ABCA4: variants seen among roughly 807,000 people sequenced by gnomAD.
ABCA4 encodes the protein retinal-specific phospholipid-transporting ATPase ABCA4.
Under a neutral mutation model 263.7 loss-of-function variants are expected in ABCA4, and 196 were observed. The observed-to-expected ratio is 0.74, with a 90% CI of 0.66 to 0.84. ABCA4 has a LOEUF of 0.84. ABCA4 is among the 40% of genes least tolerant of loss of function. ABCA4 has a pLI of 0.00. For missense variants in ABCA4, 2,792 were observed against 2,855.1 expected (o/e 0.98, Z 0.50); for synonymous variants, 1,133 against 1,094.2 (o/e 1.04, Z -0.70).
At chr1:94,109,832 T>C (rs1277963271) in intron 3 of ABCA4, among the ~76,000 whole-genome samples, 3 of 152,218 alleles carry the variant, frequency 2.0e-5, no homozygotes, top group Non-Finnish European at 4.4e-5. Context: ...TTCCGTGCCT[T>C]GCAAGCAAAA....
intron 18 of ABCA4, among the ~76,000 whole-genome samples, 171 bp from the exon 19 acceptor site, chr1:94,047,264 C>T (rs559718390): frequency 3.3e-5 from 5 of 152,194 alleles, no homozygotes; most frequent in Non-Finnish European, 5.9e-5. Flanking sequence ...TAGCATCAAA[C>T]GTTTATACAG....
intron 6 of ABCA4, among the ~76,000 whole-genome samples, chr1:94,094,227 A>T (rs752333723): frequency 6.6e-6 from 1 of 152,208 alleles, no homozygotes; most frequent in Admixed American, 6.5e-5. Flanking sequence ...ATGACCCAGG[A>T]GAGCAGCAAC....
intron 3 of ABCA4, among the ~76,000 whole-genome samples, chr1:94,110,385 T>G (rs1459576073): frequency 1.3e-5 from 2 of 152,208 alleles, no homozygotes; most frequent in African/African-American, 4.8e-5. Context: ...CAAACTTTTT[T>G]TCTTTTTAGT....
In ABCA4 at chr1:94,047,027, A is replaced by T; in HGVS notation, c.2810T>A (p.Ile937Asn). The T allele has an allele frequency of 6.2e-7, 1 of 1,614,144 alleles. No individual in the cohort carries two copies. The highest frequency in any genetic ancestry group is 8.5e-7 in the Non-Finnish European group (1 of 1,180,018). Reference sequence around the variant, plus strand: ...AGCTGGCCGGCCACAGGGCTCAAAAATCTTTACCAGATTCTTCACGCATAC... The same window carrying T: ...AGCTGGCCGGCCACAGGGCTCAAAATTCTTTACCAGATTCTTCACGCATAC... ...PGVCVKNLVK[I>N]FEPCGRPAVD... The change falls in exon 19 of 50, where the codon ATT (isoleucine) becomes AAT (asparagine). Residue 937 changes from isoleucine to asparagine, a missense_variant. By Grantham distance (149) the Ile-to-Asn change is moderately radical. Coordinates refer to ENST00000370225, the MANE Select transcript of ABCA4 (RefSeq NM_000350.3).
At chr1:94,003,073 T>C (rs28422025) in intron 44 of ABCA4, among the ~76,000 whole-genome samples, 19,426 of 152,202 alleles carry the variant, frequency 0.13, 2,077 homozygotes, top group African/African-American at 0.29. Flanking sequence ...CTTCAGGGCA[T>C]ATTTCCTAAG....
At chr1:94,054,453 C>A (rs1203752609) in intron 16 of ABCA4, among the ~76,000 whole-genome samples, 1 of 150,624 alleles carries the variant, frequency 6.6e-6, no homozygotes, top group Non-Finnish European at 1.5e-5. Context: ...CTGGAAAGAT[C>A]CCTGTGATAA....
At chr1:94,011,744 C>T (rs1659552800) in intron 38 of ABCA4, among the ~76,000 whole-genome samples, 1 of 152,192 alleles carries the variant, frequency 6.6e-6, no homozygotes. Context: ...GGCACCGAGG[C>T]TAACTGTGAG....
intron 30 of ABCA4, among the ~76,000 whole-genome samples, chr1:94,026,729 C>T (rs968739988): frequency 1.3e-5 from 2 of 152,228 alleles, no homozygotes; most frequent in Non-Finnish European, 2.9e-5. Context: ...GCTTCCACCT[C>T]AGGACCCACC....
intron 3 of ABCA4, 39 bp downstream of exon 3, chr1:94,111,399 C>A (rs748890832): frequency 1.2e-6 from 2 of 1,610,640 alleles, no homozygotes; most frequent in Non-Finnish European, 1.7e-6. Context: ...AAGGGGTGTG[C>A]AACTTCCTCC....
At chr1:94,031,160 T>A in intron 27 of ABCA4, 40 bp from the exon 28 acceptor site, 1 of 1,613,112 alleles carries the variant, frequency 6.2e-7, no homozygotes, top group Non-Finnish European at 8.5e-7. Flanking sequence ...GACTGTGGCA[T>A]GGAGATGTCA....
intron 11 of ABCA4, among the ~76,000 whole-genome samples, chr1:94,067,020 A>C (rs1383159204): frequency 6.6e-6 from 1 of 152,220 alleles, no homozygotes; most frequent in African/African-American, 2.4e-5. Flanking sequence ...ACATTCTTTG[A>C]GGCTGGGGCC....
chr1:94,111,394 G>T, intron 3 of ABCA4, 44 bp downstream of exon 3: 1 of 1,608,574 alleles, frequency 6.2e-7, no homozygotes, highest in East Asian at 2.2e-5. Context: ...ACGTGAAGGG[G>T]TGTGCAACTT....
chr1:94,103,925 A>AT (rs1245147860), intron 4 of ABCA4, among the ~76,000 whole-genome samples: 1 of 152,226 alleles, frequency 6.6e-6, no homozygotes, highest in Non-Finnish European at 1.5e-5. Context: ...ATAAGGAGGC[A>AT]TAAAGAACAC....
In ABCA4 at chr1:94,041,464, G is replaced by A. The variant is rs560596204; in HGVS notation, c.3329-62C>T. 21 of 1,576,076 alleles carry A rather than the reference G, an allele frequency of 1.3e-5. No individual in the cohort carries two copies. In the African/African-American group the frequency reaches 2.6e-4, roughly 19 times the overall value. On this transcript the variant is annotated intron_variant, in intron 22 of 49. Transcript: ENST00000370225. ...CCTGGGTTGGGCATTGTTGGTAAAG[G>A]GTGTACAGCAATTTCCTGGCTATAT...
intron 26 of ABCA4, among the ~76,000 whole-genome samples, chr1:94,033,479 T>C (rs1410343413): frequency 1.3e-5 from 2 of 151,762 alleles, no homozygotes; most frequent in Admixed American, 6.6e-5. Flanking sequence ...TTTGGAAATT[T>C]AAATGAGATA....
intron 35 of ABCA4, among the ~76,000 whole-genome samples, chr1:94,020,495 C>T (rs1477671112): frequency 2.0e-5 from 3 of 152,188 alleles, no homozygotes; most frequent in Admixed American, 6.5e-5. Flanking sequence ...AAGCTTAGAA[C>T]AAATGACTGG....
chr1:94,078,482 T>C (rs1009958682), intron 10 of ABCA4, 108 bp downstream of exon 10: 4 of 889,554 alleles, frequency 4.5e-6, no homozygotes, highest in Non-Finnish European at 7.4e-6. Context: ...TATTTTGATC[T>C]AACTCCAATA....
At chr1:94,099,507 T>C (rs544677072) in intron 5 of ABCA4, among the ~76,000 whole-genome samples, 1 of 152,284 alleles carries the variant, frequency 6.6e-6, no homozygotes, top group Admixed American at 6.5e-5. Flanking sequence ...ACAATCCCCA[T>C]ACCTCATCTT....
In ABCA4 at chr1:94,014,466, G is replaced by A. The variant is rs1659665850; in HGVS notation, c.5460+77C>T. ...TACAGCTGCTACATGTACGATGCTT[G>A]CCCCTGGCTCTGCTCGACCAACACA... On this transcript the variant is annotated intron_variant, in intron 38 of 49. Transcript: ENST00000370225. The A allele has an allele frequency of 5.2e-6, 8 of 1,533,360 alleles. No individual in the cohort carries two copies. The South Asian group carries it at 9.0e-5, about 17-fold the overall frequency. 95.0% of individuals were successfully genotyped at this position (1,533,360 alleles called of 1,614,324 possible).
Sources: gnomAD v4.1 joint callset for allele counts (sites outside exome capture counted in the v4.1 genomes callset) on GRCh38, gnomAD v4.1.1 for gene constraint, MANE v1.5 for transcripts, NCBI Gene and HGNC (gene_info 2026-07-23, HGNC 2026-07-21) for gene names.